The following RPP30 variants were observed in gnomAD, a reference collection of about 807,000 sequenced individuals.
The protein encoded by RPP30 is ribonuclease P protein subunit p30.
In RPP30, 36 loss-of-function variants were observed where a neutral mutation model predicts 38.6. The ratio of observed to expected loss-of-function variants is 0.93; its 90% CI spans 0.71 to 1.23. The LOEUF (loss-of-function observed/expected upper bound fraction) is 1.23. RPP30 is among the 50% of genes most tolerant of loss of function. The pLI is 0.00. For synonymous variants in RPP30, 126 were observed against 112.7 expected, an observed-to-expected ratio of 1.12 and a Z score of -0.75; for missense variants, 321 against 321.7, an observed-to-expected ratio of 1.00 and a Z score of 0.02.
At chr10:90,906,634 A>G (rs1478041431), downstream of RPP30, among the ~76,000 whole-genome samples, 1 of 152,218 alleles carries the variant, frequency 6.6e-6, no homozygotes, top group African/African-American at 2.4e-5. Context: ...CCTGGAGGCC[A>G]GGAGCCTAGG....
intron 7 of RPP30, 57 bp from the exon 8 acceptor site, chr10:90,895,397 G>T: frequency 9.9e-7 from 1 of 1,005,876 alleles, no homozygotes; most frequent in Non-Finnish European, 1.5e-6. Context: ...TTTATATTAT[G>T]AAACTCCTTT....
intron 10 of RPP30, among the ~76,000 whole-genome samples, chr10:90,899,681 TA>T (rs1231896141): frequency 6.6e-6 from 1 of 152,248 alleles, no homozygotes; most frequent in Non-Finnish European, 1.5e-5. Flanking sequence ...CATGCCTTTG[TA>T]AAGGAATATT....
At chr10:90,895,012 ATTC>A in intron 7 of RPP30, 121 bp downstream of exon 7, 1 of 794,550 alleles carries the variant, frequency 1.3e-6, no homozygotes, top group Non-Finnish European at 2.2e-6. Flanking sequence ...ATAGGAACAA[ATTC>A]TGCCATTTCA....
chr10:90,876,890 G>A (rs751389046), intron 4 of RPP30, among the ~76,000 whole-genome samples: 3 of 152,140 alleles, frequency 2.0e-5, no homozygotes, highest in African/African-American at 4.8e-5. Flanking sequence ...TTAATTGGGT[G>A]TAGGATGATT....
At chr10:90,873,120 T>C (rs764455370) in intron 1 of RPP30, among the ~76,000 whole-genome samples, 1 of 152,242 alleles carries the variant, frequency 6.6e-6, no homozygotes, top group Non-Finnish European at 1.5e-5. Context: ...AGAATTGCCA[T>C]GTCTTATCCT....
chr10:90,905,678 T>G (rs1302334989), downstream of RPP30: 3 of 152,284 alleles, frequency 2.0e-5, no homozygotes, highest in African/African-American at 7.2e-5. Context: ...TCCTAGTCAT[T>G]TAGGGGGAAA....
At chr10:90,880,527 A>C (rs1283934692) in intron 5 of RPP30, among the ~76,000 whole-genome samples, 3 of 152,138 alleles carry the variant, frequency 2.0e-5, no homozygotes, top group Non-Finnish European at 4.4e-5. Flanking sequence ...CAGGAGTTCA[A>C]GACCAGCCTG....
chr10:90,877,224 A>T (rs1428167211), intron 4 of RPP30, among the ~76,000 whole-genome samples: 1 of 152,088 alleles, frequency 6.6e-6, no homozygotes, highest in Admixed American at 6.5e-5. Context: ...AGGCAGGAGA[A>T]TCACTTGAGC....
chr10:90,878,997 C>T (rs1846888750), intron 4 of RPP30, 66 bp from the exon 5 acceptor site: 21 of 1,306,076 alleles, frequency 1.6e-5, no homozygotes, highest in East Asian at 2.3e-5. Context: ...GTGAGTCAAT[C>T]ACTAGACAGA....
At chr10:90,895,591 ATT>A in intron 8 of RPP30, 108 bp downstream of exon 8, 2 of 654,038 alleles carry the variant, frequency 3.1e-6, no homozygotes, top group Non-Finnish European at 4.8e-6. Context: ...ATTTTTTTCT[ATT>A]TTAACTGCAT....
intron 6 of RPP30, among the ~76,000 whole-genome samples, chr10:90,888,229 C>T (rs1447317367): frequency 1.3e-5 from 2 of 152,214 alleles, no homozygotes; most frequent in Admixed American, 6.5e-5. Flanking sequence ...TTCTAGATGG[C>T]TTTGCCTGAA....
chr10:90,892,786 A>G (rs1250991558), intron 6 of RPP30, among the ~76,000 whole-genome samples: 1 of 152,202 alleles, frequency 6.6e-6, no homozygotes, highest in East Asian at 1.9e-4. Flanking sequence ...GTTTTTACTT[A>G]TCTGTGGTTT....
chr10:90,885,804 C>G lies in RPP30; in HGVS notation c.343-8C>G, dbSNP rs767510303. 1.2e-6 allele frequency: 2 copies of G among 1,600,638 alleles called. No homozygotes were observed. The highest frequency in any genetic ancestry group is 1.7e-6 in the Non-Finnish European group (2 of 1,171,836). On this transcript the variant is annotated splice_region_variant and splice_polypyrimidine_tract_variant and intron_variant, in intron 5 of 10. Coordinates refer to ENST00000371703, the MANE Select transcript of RPP30 (RefSeq NM_006413.5). ...TTTTGGCCTTACCTATTTTTTTCTT[C>G]TTTACAGATTGCTTGCACACATTTA...
downstream of RPP30, chr10:90,903,378 A>G (rs1024087579): frequency 1.6e-5 from 11 of 675,552 alleles, no homozygotes; most frequent in Non-Finnish European, 2.6e-5. Context: ...TGAATTAGTG[A>G]TGTACCAGCT....
intron 6 of RPP30, among the ~76,000 whole-genome samples, chr10:90,890,679 GAAAAA>G (rs919566866): frequency 6.8e-6 from 1 of 147,236 alleles, no homozygotes; most frequent in African/African-American, 2.5e-5. Flanking sequence ...AATTTCTGTG[GAAAAA>G]AAAAATGCAA....
chr10:90,890,961 T>G (rs1162064753), intron 6 of RPP30, among the ~76,000 whole-genome samples: 1 of 152,242 alleles, frequency 6.6e-6, no homozygotes, highest in Non-Finnish European at 1.5e-5. Flanking sequence ...TAAAATCACC[T>G]GTGTGATTAG....
intron 6 of RPP30, among the ~76,000 whole-genome samples, chr10:90,890,376 T>C (rs1387349518): frequency 1.3e-5 from 2 of 152,238 alleles, no homozygotes; most frequent in Non-Finnish European, 2.9e-5. Context: ...CACTTAACAA[T>C]GACTTCAAGC....
At chr10:90,880,901 ATC>A (rs1846920466) in intron 5 of RPP30, among the ~76,000 whole-genome samples, 1 of 152,218 alleles carries the variant, frequency 6.6e-6, no homozygotes, top group African/African-American at 2.4e-5. Context: ...GATTCTGGGT[ATC>A]TGTTTTTTCA....
intron 6 of RPP30, among the ~76,000 whole-genome samples, chr10:90,888,748 C>T (rs771206932): frequency 6.6e-6 from 1 of 152,056 alleles, no homozygotes; most frequent in Non-Finnish European, 1.5e-5. Flanking sequence ...CAGGAAAGCT[C>T]CTTTCGTTTG....
Sources: gnomAD v4.1 joint callset for allele counts (sites outside exome capture counted in the v4.1 genomes callset) on GRCh38, gnomAD v4.1.1 for gene constraint, MANE v1.5 for transcripts, NCBI Gene and HGNC (gene_info 2026-07-23, HGNC 2026-07-21) for gene names.